The following PRELID2 variants were observed in gnomAD, a reference collection of about 807,000 sequenced individuals.
PRELID2 encodes the protein PRELI domain-containing protein 2.
PRELID2 carries 25 observed loss-of-function variants against 28.4 expected under a neutral mutation model. The observed-to-expected ratio is 0.88, with a 90% CI of 0.64 to 1.23. PRELID2 has a LOEUF of 1.23. Ranked by LOEUF, PRELID2 falls within the 50% of genes most tolerant of loss-of-function variation. The pLI is 0.00. For synonymous variants in PRELID2, 76 were observed against 71.6 expected, an observed-to-expected ratio of 1.06 and a Z score of -0.31; for missense variants, 201 against 214.4, an observed-to-expected ratio of 0.94 and a Z score of 0.39.
intron 1 of PRELID2, among the ~76,000 whole-genome samples, chr5:145,697,740 G>T (rs562652111): frequency 9.9e-5 from 15 of 152,274 alleles, no homozygotes; most frequent in South Asian, 6.2e-4. Flanking sequence ...GATAAGAAAA[G>T]TCTCTTGGGT....
At chr5:145,740,854 GTACATATATTTATCGATA>G (rs1756679112) in intron 1 of PRELID2, among the ~76,000 whole-genome samples, 4 of 26,314 alleles carry the variant, frequency 1.5e-4, no homozygotes, top group Admixed American at 4.6e-4. Context: ...AAATATATAT[GTACATATATTTATCGATA>G]AATATATATG....
chr5:145,526,769 T>C (rs1430328704), intron 1 of PRELID2, among the ~76,000 whole-genome samples: 1 of 152,186 alleles, frequency 6.6e-6, no homozygotes, highest in Non-Finnish European at 1.5e-5. Flanking sequence ...AGAGGCTATG[T>C]AGAGTGTAAT....
chr5:145,479,342 C>A (rs1015223679), intron 1 of PRELID2, among the ~76,000 whole-genome samples: 2 of 152,140 alleles, frequency 1.3e-5, no homozygotes, highest in Non-Finnish European at 2.9e-5. Context: ...TGCTTGACAA[C>A]ACACACCATA....
the PRELID2 span, among the ~76,000 whole-genome samples, chr5:145,372,151 T>C: frequency 7.2e-5 from 11 of 152,274 alleles, 1 homozygote; most frequent in Middle Eastern, 0.024. Context: ...TGTCTCTTTG[T>C]TCTCATTGGT....
chr5:145,327,011 C>T, the PRELID2 span, among the ~76,000 whole-genome samples: 3 of 125,936 alleles, frequency 2.4e-5, no homozygotes, highest in African/African-American at 5.9e-5. Context: ...CAGTCACAAA[C>T]GCCATAATCT....
At chr5:145,705,939 TACACAC>T (rs61283424) in intron 1 of PRELID2, among the ~76,000 whole-genome samples, 3 of 145,498 alleles carry the variant, frequency 2.1e-5, no homozygotes, top group Non-Finnish European at 4.6e-5. Context: ...CATGTGCGCC[TACACAC>T]ACACACACAC....
Position 145,817,994 on chromosome 5 carries a change from C to T in PRELID2, c.268G>A (p.Glu90Lys). 1 of 1,612,782 alleles carries T rather than the reference C, an allele frequency of 6.2e-7. No homozygotes were observed. Among genetic ancestry groups the T allele is most frequent in the Non-Finnish European group, 8.5e-7 (1 of 1,179,384 alleles). ...LEEESWLNPR[E>K]RNMAIRSHCL... is the part of the protein sequence containing the mutation. The stretch of plus-strand genomic sequence containing the variant: ...TGACTCCGTATGGCCATGTTTCTTT[C>T]CCGAGGATTGAGCCATGACTCCTCT... Residue 90 changes from glutamate (E) to lysine (K), a missense_variant, in exon 4 of 7, where the codon GAA (glutamate) becomes AAA (lysine). Transcript: ENST00000683046.
At chr5:145,246,067 G>A in the PRELID2 span, among the ~76,000 whole-genome samples, 3 of 152,006 alleles carry the variant, frequency 2.0e-5, no homozygotes, top group Admixed American at 6.6e-5. Context: ...GAGGAAACGA[G>A]ATTTTACTTA....
At chr5:145,726,079 G>T (rs1341378292) in intron 1 of PRELID2, among the ~76,000 whole-genome samples, 1 of 151,892 alleles carries the variant, frequency 6.6e-6, no homozygotes, top group Non-Finnish European at 1.5e-5. Flanking sequence ...TGAGGTGGGA[G>T]GATTGCTTGA....
chr5:145,568,028 TCTC>T (rs1289741700), intron 1 of PRELID2, among the ~76,000 whole-genome samples: 1 of 152,128 alleles, frequency 6.6e-6, no homozygotes, highest in Non-Finnish European at 1.5e-5. Flanking sequence ...TACTGGGCCT[TCTC>T]CTTTGGAGGC....
the PRELID2 span, among the ~76,000 whole-genome samples, chr5:145,405,699 G>GTTTTTTTTTTTTTTTTTTTT: frequency 1.1e-4 from 5 of 45,992 alleles, 2 homozygotes; most frequent in Non-Finnish European, 4.8e-5. Context: ...GTACCACATA[G>GTTTTTTTTTTTTTTTTTTTT]TTGTTTTTTT....
chr5:145,445,958 G>C, the PRELID2 span, among the ~76,000 whole-genome samples: 1 of 152,016 alleles, frequency 6.6e-6, no homozygotes, highest in Non-Finnish European at 1.5e-5. Flanking sequence ...GTAGAATAGA[G>C]GATACTAGAA....
chr5:145,682,839 C>T (rs1170693804), intron 1 of PRELID2, among the ~76,000 whole-genome samples: 1 of 152,156 alleles, frequency 6.6e-6, no homozygotes, highest in Non-Finnish European at 1.5e-5. Flanking sequence ...AAAGGGCTGG[C>T]TGGCTTTCAC....
intron 1 of PRELID2, among the ~76,000 whole-genome samples, chr5:145,636,655 A>T (rs2195939): frequency 0.081 from 12,345 of 152,270 alleles, 692 homozygotes; most frequent in Admixed American, 0.19. Context: ...GCAGCCATTA[A>T]ACAGCTGTTT....
chr5:145,337,475 C>T, the PRELID2 span, among the ~76,000 whole-genome samples: 2 of 151,402 alleles, frequency 1.3e-5, no homozygotes, highest in Admixed American at 1.3e-4. Context: ...CACTAGACTG[C>T]CCCTGCTTCA....
At chr5:145,652,415 C>A (rs2149672001) in intron 1 of PRELID2, among the ~76,000 whole-genome samples, 1 of 152,304 alleles carries the variant, frequency 6.6e-6, no homozygotes. Flanking sequence ...CAAAGATACT[C>A]CTTGAGAAGA....
At chr5:145,271,201 C>G in the PRELID2 span, among the ~76,000 whole-genome samples, 2 of 152,042 alleles carry the variant, frequency 1.3e-5, no homozygotes, top group Admixed American at 1.3e-4. Context: ...GGACACAGAG[C>G]CAAACCATAT....
At chr5:145,456,786 T>C in the PRELID2 span, among the ~76,000 whole-genome samples, 3 of 151,494 alleles carry the variant, frequency 2.0e-5, no homozygotes, top group Non-Finnish European at 4.4e-5. Context: ...AATTTAAATG[T>C]TTTTTTAAAG....
the PRELID2 span, among the ~76,000 whole-genome samples, chr5:145,298,282 A>G: frequency 3.3e-5 from 5 of 152,184 alleles, no homozygotes; most frequent in Non-Finnish European, 7.3e-5. Context: ...ATACAGATCA[A>G]TGGAACAGAA....
Sources: allele counts gnomAD v4.1 joint callset (sites outside exome capture counted in the v4.1 genomes callset), GRCh38; gene constraint gnomAD v4.1.1; transcripts MANE v1.5; gene names NCBI Gene and HGNC (gene_info 2026-07-23, HGNC 2026-07-21).